The following NPIPB2 variants were observed in gnomAD, a reference collection of about 807,000 sequenced individuals.
NPIPB2 encodes nuclear pore complex-interacting protein family member B2.
Under a neutral mutation model 30.8 loss-of-function variants are expected in NPIPB2, and 27 were observed. That is an observed-to-expected ratio of 0.88 (90% CI 0.65 to 1.21). The LOEUF (loss-of-function observed/expected upper bound fraction) is 1.21. NPIPB2 is among the 50% of genes most tolerant of loss of function. The pLI is 0.00. For missense variants in NPIPB2, 440 were observed against 446.2 expected (o/e 0.99, Z 0.13); for synonymous variants, 147 against 162.0 (o/e 0.91, Z 0.70).
chr16:11,970,011 G>A (rs960429665), intron 1 of NPIPB2, among the ~76,000 whole-genome samples: 2 of 151,490 alleles, frequency 1.3e-5, no homozygotes, highest in South Asian at 2.1e-4. Context: ...ACAGGTGCCC[G>A]CCACCACACC....
At chr16:11,966,432 C>G in intron 1 of NPIPB2, 2 of 1,298,402 alleles carry the variant, frequency 1.5e-6, no homozygotes, top group Middle Eastern at 2.3e-4. Context: ...TTGACTATTT[C>G]ACTTCGTTAC....
At chr16:11,948,660 G>C (rs931596313) in intron 1 of NPIPB2, among the ~76,000 whole-genome samples, 7 of 150,632 alleles carry the variant, frequency 4.6e-5, no homozygotes, top group African/African-American at 1.7e-4. Context: ...CCAGCTACTT[G>C]GGAGGCTGAG....
intron 2 of NPIPB2, among the ~76,000 whole-genome samples, chr16:11,934,802 T>A (rs1462705984): frequency 1.5e-5 from 2 of 132,982 alleles, no homozygotes; most frequent in Admixed American, 8.3e-5. Context: ...GAGGTTGCAG[T>A]GAGCCAAGAT....
intron 1 of NPIPB2, among the ~76,000 whole-genome samples, chr16:11,965,810 T>C (rs1328544117): frequency 6.6e-6 from 1 of 152,156 alleles, no homozygotes; most frequent in Non-Finnish European, 1.5e-5. Flanking sequence ...TTTAGCAAAA[T>C]AATCAAGTAT....
chr16:11,961,705 G>C (rs561224742), intron 1 of NPIPB2, among the ~76,000 whole-genome samples: 81 of 151,514 alleles, frequency 5.3e-4, no homozygotes, highest in African/African-American at 1.9e-3. Flanking sequence ...GCTTGAACCT[G>C]GGAGACGGAG....
intron 1 of NPIPB2, among the ~76,000 whole-genome samples, chr16:11,938,447 C>T (rs1424659844): frequency 6.6e-6 from 1 of 152,124 alleles, no homozygotes; most frequent in East Asian, 1.9e-4. Context: ...TCTTCTGCCT[C>T]AGCCTCCTGA....
intron 1 of NPIPB2, among the ~76,000 whole-genome samples, chr16:11,947,326 A>T (rs199628128): frequency 3.5e-3 from 288 of 82,678 alleles, no homozygotes; most frequent in African/African-American, 0.013. Context: ...ATTTATTTAT[A>T]TATATATATA....
At chr16:11,970,692 C>T (rs1405547450) in intron 1 of NPIPB2, among the ~76,000 whole-genome samples, 12 of 151,968 alleles carry the variant, frequency 7.9e-5, no homozygotes, top group South Asian at 2.1e-4. Flanking sequence ...CCTGCCACCA[C>T]GCCTGGCTAA....
intron 2 of NPIPB2, among the ~76,000 whole-genome samples, chr16:11,936,031 G>A (rs981839089): frequency 2.7e-5 from 4 of 148,994 alleles, no homozygotes; most frequent in African/African-American, 7.4e-5. Context: ...CCTGGCTCAC[G>A]TGGTGGCTCA....
At position 11,927,418 on chromosome 16, in the gene NPIPB2, C is replaced by T. The variant is rs112824802; in HGVS notation, c.1149G>A (p.Arg383=). 1,222 of 1,107,600 alleles carry T rather than the reference C, an allele frequency of 1.1e-3. 8 individuals carry two copies. The African/African-American group carries it at 0.014, about 13-fold the overall frequency. 68.6% of individuals were successfully genotyped at this position (1,107,600 alleles called of 1,614,324 possible). Reference sequence around the variant, plus strand: ...CTGTTCTCAGCTTACTCAACCTCCGCCTCTTGGGCTCGGGTGATGATGGTT... The same window carrying T: ...CTGTTCTCAGCTTACTCAACCTCCGTCTCTTGGGCTCGGGTGATGATGGTT... The change falls in exon 8 of 8, where the codon AGG becomes AGA. Residue 383 remains arginine (R), a synonymous_variant. Coordinates refer to ENST00000399147, the Ensembl canonical transcript of NPIPB2.
chr16:11,942,456 A>C (rs138683887), upstream of NPIPB2, among the ~76,000 whole-genome samples: 1 of 145,652 alleles, frequency 6.9e-6, no homozygotes, highest in Non-Finnish European at 1.5e-5. Flanking sequence ...ACAAGGTTGC[A>C]TGATCTCAAA....
At chr16:11,958,953 C>G (rs2055135032) in intron 1 of NPIPB2, among the ~76,000 whole-genome samples, 1 of 152,134 alleles carries the variant, frequency 6.6e-6, no homozygotes. Context: ...ATCTAGAAGT[C>G]AGGAATGTCT....
chr16:11,938,734 A>G (rs2054899934), intron 1 of NPIPB2, among the ~76,000 whole-genome samples: 1 of 152,080 alleles, frequency 6.6e-6, no homozygotes. Context: ...AGACAAGCTA[A>G]GTATAAAGTA....
chr16:11,963,346 C>T (rs1032062131), intron 1 of NPIPB2, among the ~76,000 whole-genome samples: 3 of 149,348 alleles, frequency 2.0e-5, no homozygotes, highest in African/African-American at 7.5e-5. Context: ...CGCCATTGCA[C>T]TCCAGCCTGG....
chr16:11,951,666 A>ACACACACACACACACACACC lies in NPIPB2; in HGVS notation c.-583-9553_-583-9552insGGTGTGTGTGTGTGTGTGTG, dbSNP rs1226047972. On this transcript the variant is annotated intron_variant, in intron 1 of 5. Transcript: ENST00000538896. ...CACACACACACACACACACACACAC[A>ACACACACACACACACACACC]CCCAGCCCCCAAACAACAAAATTCA... Among the ~76,000 whole-genome samples, 718 of 138,774 alleles carry ACACACACACACACACACACC rather than the reference A, an allele frequency of 5.2e-3. 10 individuals carry two copies. The highest frequency in any genetic ancestry group is 7.0e-3 in the South Asian group (27 of 3,880). The allele number at this position is 138,774 out of a possible 152,430, so 91.0% of individuals were successfully genotyped here.
chr16:11,962,718 A>G (rs967183634), intron 1 of NPIPB2, among the ~76,000 whole-genome samples: 9 of 152,074 alleles, frequency 5.9e-5, no homozygotes, highest in Non-Finnish European at 1.0e-4. Flanking sequence ...CTTTTCATTG[A>G]AAAATCTTTG....
At chr16:11,944,170 A>ATT (rs767446739), upstream of NPIPB2, among the ~76,000 whole-genome samples, 180 of 137,762 alleles carry the variant, frequency 1.3e-3, 2 homozygotes, top group African/African-American at 4.5e-3. Flanking sequence ...GATAAACTGG[A>ATT]TTTTTTTTTT....
intron 1 of NPIPB2, among the ~76,000 whole-genome samples, chr16:11,960,267 A>G (rs941304817): frequency 6.6e-6 from 1 of 151,964 alleles, no homozygotes; most frequent in Non-Finnish European, 1.5e-5. Context: ...CTGAGCAAGT[A>G]TATCTGTCAG....
intron 1 of NPIPB2, among the ~76,000 whole-genome samples, chr16:11,956,993 ATTC>A (rs756584479): frequency 1.0e-3 from 159 of 151,972 alleles, no homozygotes; most frequent in Non-Finnish European, 1.5e-3. Flanking sequence ...TAATTAATTA[ATTC>A]TTCTTCTTCT....
Sources: allele counts gnomAD v4.1 joint callset (sites outside exome capture counted in the v4.1 genomes callset), GRCh38; gene constraint gnomAD v4.1.1; transcripts MANE v1.5; gene names NCBI Gene and HGNC (gene_info 2026-07-23, HGNC 2026-07-21).